The following NKAIN2 variants were observed in gnomAD, a reference collection of about 807,000 sequenced individuals.
NKAIN2 encodes the protein sodium/potassium-transporting ATPase subunit beta-1-interacting protein 2.
In NKAIN2, 14 loss-of-function variants were observed where a neutral mutation model predicts 32.6. The observed-to-expected ratio is 0.43, with a 90% CI of 0.28 to 0.67. The LOEUF is 0.67. Among genes scored for constraint, NKAIN2 ranks in the 30% least tolerant of loss-of-function variants. NKAIN2 has a pLI of 0.17. For missense variants in NKAIN2, 198 were observed against 258.3 expected (o/e 0.77, Z 1.60); for synonymous variants, 80 against 87.2 (o/e 0.92, Z 0.46).
chr6:123,948,987 A>G (rs577338500), intron 1 of NKAIN2, among the ~76,000 whole-genome samples: 89 of 152,028 alleles, frequency 5.9e-4, no homozygotes, highest in South Asian at 1.0e-3. Context: ...GTGGATATCC[A>G]ATTTTCTCAG....
rs575448833 is a variant in NKAIN2, at chr6:124,554,418, A to G, written c.274-103768A>G. On this transcript the variant is annotated intron_variant, in intron 3 of 6. Coordinates refer to ENST00000368417, the MANE Select transcript of NKAIN2 (RefSeq NM_001040214.3). The stretch of plus-strand genomic sequence containing the variant: ...GTAAAATGTTTATCAAAGAGCCTAA[A>G]CATATCTAACCTTCTTCCTGCAGAA... 4.6e-5 allele frequency among the ~76,000 whole-genome samples: 7 copies of G among 152,320 alleles called. No homozygotes were observed. The South Asian group carries it at 1.5e-3, about 32-fold the overall frequency.
chr6:124,655,320 G>A (rs1200150067), intron 3 of NKAIN2, among the ~76,000 whole-genome samples: 1 of 151,868 alleles, frequency 6.6e-6, no homozygotes, highest in Admixed American at 6.6e-5. Context: ...TGGTTTCCTG[G>A]CTCACTAGCT....
chr6:124,428,201 C>A (rs1348000268), intron 3 of NKAIN2, among the ~76,000 whole-genome samples: 2 of 152,122 alleles, frequency 1.3e-5, no homozygotes. Context: ...TCCTTTCACT[C>A]CTTCCATCTC....
chr6:123,805,382 G>C (rs953111907), intron 1 of NKAIN2, among the ~76,000 whole-genome samples: 1 of 152,172 alleles, frequency 6.6e-6, no homozygotes, highest in African/African-American at 2.4e-5. Flanking sequence ...ATCAGTTGTC[G>C]TGAAGCCCAT....
At chr6:124,192,885 G>GACT (rs1048859145) in intron 1 of NKAIN2, among the ~76,000 whole-genome samples, 1 of 151,718 alleles carries the variant, frequency 6.6e-6, no homozygotes, top group Non-Finnish European at 1.5e-5. Flanking sequence ...GAGTAGCTGG[G>GACT]ACTACAGGCG....
chr6:123,871,211 C>T (rs766132146), intron 1 of NKAIN2, among the ~76,000 whole-genome samples: 14 of 152,186 alleles, frequency 9.2e-5, no homozygotes, highest in Non-Finnish European at 1.8e-4. Context: ...GTACTCTTCA[C>T]AGCTGTACCA....
intron 3 of NKAIN2, among the ~76,000 whole-genome samples, chr6:124,577,282 T>C (rs1381376219): frequency 6.6e-6 from 1 of 152,138 alleles, no homozygotes; most frequent in Non-Finnish European, 1.5e-5. Flanking sequence ...TATGCTCATA[T>C]TACTGAAAAA....
intron 1 of NKAIN2, among the ~76,000 whole-genome samples, chr6:124,050,575 T>G (rs1270898049): frequency 6.6e-6 from 1 of 151,988 alleles, no homozygotes; most frequent in Non-Finnish European, 1.5e-5. Context: ...GATTGGCAAA[T>G]GAAGTTCATT....
intron 3 of NKAIN2, among the ~76,000 whole-genome samples, chr6:124,497,815 A>G (rs1290910372): frequency 7.9e-6 from 1 of 127,318 alleles, no homozygotes; most frequent in Non-Finnish European, 1.6e-5. Context: ...TTGTTTCTAG[A>G]GTAAGGGGTA....
intron 6 of NKAIN2, 92 bp downstream of exon 6, chr6:124,818,560 G>T: frequency 1.8e-6 from 1 of 541,288 alleles, no homozygotes; most frequent in Non-Finnish European, 3.4e-6. Flanking sequence ...TGCAGCTTTT[G>T]TTCAGTTATA....
chr6:123,968,934 CTCCTCT>C (rs1054377916), intron 1 of NKAIN2, among the ~76,000 whole-genome samples: 4 of 152,160 alleles, frequency 2.6e-5, no homozygotes, highest in African/African-American at 4.8e-5. Flanking sequence ...CCTGGACCCC[CTCCTCT>C]GGGCCATGAG....
At chr6:124,650,641 G>A (rs1249358352) in intron 3 of NKAIN2, among the ~76,000 whole-genome samples, 1 of 152,054 alleles carries the variant, frequency 6.6e-6, no homozygotes, top group Non-Finnish European at 1.5e-5. Flanking sequence ...CACTCCCATG[G>A]TGGCAACATT....
intron 1 of NKAIN2, among the ~76,000 whole-genome samples, chr6:124,086,037 AG>A (rs1299025183): frequency 6.6e-6 from 1 of 151,996 alleles, no homozygotes; most frequent in Non-Finnish European, 1.5e-5. Flanking sequence ...ATATAAAAGA[AG>A]GATTTGCATT....
intron 1 of NKAIN2, among the ~76,000 whole-genome samples, chr6:124,085,054 GTA>G (rs1318231345): frequency 6.6e-6 from 1 of 152,002 alleles, no homozygotes; most frequent in Non-Finnish European, 1.5e-5. Flanking sequence ...AACAAATGCT[GTA>G]AATAGTGTAT....
intron 1 of NKAIN2, among the ~76,000 whole-genome samples, chr6:124,239,516 G>A (rs1449243885): frequency 6.6e-6 from 1 of 152,056 alleles, no homozygotes; most frequent in Non-Finnish European, 1.5e-5. Context: ...TTCAGCAAAT[G>A]AAAAAGAACG....
chr6:123,889,722 T>G (rs1444619213), intron 1 of NKAIN2, among the ~76,000 whole-genome samples: 1 of 152,172 alleles, frequency 6.6e-6, no homozygotes, highest in East Asian at 1.9e-4. Context: ...CACTGAGTTT[T>G]GAGTAAGCTT....
At chr6:124,405,831 A>G (rs889163485) in intron 3 of NKAIN2, among the ~76,000 whole-genome samples, 7 of 152,182 alleles carry the variant, frequency 4.6e-5, no homozygotes, top group African/African-American at 1.7e-4. Flanking sequence ...ATATAAGACA[A>G]AGTAAAACAA....
At chr6:124,625,266 C>CA (rs1382432910) in intron 3 of NKAIN2, among the ~76,000 whole-genome samples, 39 of 151,910 alleles carry the variant, frequency 2.6e-4, no homozygotes, top group African/African-American at 8.4e-4. Context: ...ACAAAAAAAA[C>CA]AAAAATCTTA....
rs111780773 is a variant in NKAIN2, at chr6:124,286,874, A to G, written c.192+3732A>G. 4.0e-3 allele frequency among the ~76,000 whole-genome samples: 607 copies of G among 151,886 alleles called. 5 individuals are homozygous for G. Among genetic ancestry groups the G allele is most frequent in the African/African-American group, 0.014 (586 of 41,446 alleles). ...TTTTTGTATTTTTTCAGTAGAGACG[A>G]GGTTTCACCATGTTAGCCAGGCTGG... On this transcript the variant is annotated intron_variant, in intron 2 of 6. Coordinates refer to ENST00000368417, the MANE Select transcript of NKAIN2 (RefSeq NM_001040214.3).
Sources: gnomAD v4.1 joint callset for allele counts (sites outside exome capture counted in the v4.1 genomes callset) on GRCh38, gnomAD v4.1.1 for gene constraint, MANE v1.5 for transcripts, NCBI Gene and HGNC (gene_info 2026-07-23, HGNC 2026-07-21) for gene names.